SLC35F3: variants seen among roughly 807,000 people sequenced by gnomAD.
SLC35F3 encodes the protein putative thiamine transporter SLC35F3.
SLC35F3 carries 25 observed loss-of-function variants against 49.9 expected under a neutral mutation model. The ratio of observed to expected loss-of-function variants is 0.50; its 90% CI spans 0.37 to 0.70. The LOEUF is 0.70. Ranked by LOEUF, SLC35F3 falls within the 30% of genes least tolerant of loss-of-function variation. The pLI is 0.00. For synonymous variants in SLC35F3, 275 were observed against 265.4 expected (o/e 1.04, Z -0.35); for missense variants, 525 against 639.8 (o/e 0.82, Z 1.94).
intron 2 of SLC35F3, among the ~76,000 whole-genome samples, chr1:233,992,216 A>T (rs1179398991): frequency 1.3e-5 from 2 of 152,222 alleles, no homozygotes; most frequent in Non-Finnish European, 2.9e-5. Context: ...TGTTTGCCCC[A>T]TCACACTAAA....
chr1:234,231,792 A>G lies in SLC35F3; in HGVS notation c.608+51A>G. Reference sequence around the variant, plus strand: ...CTCCTGACCCCGGGCTGCTCCATCCAGCGCTGACTCTGCAGAGCTGCCCCT... The same window carrying G: ...CTCCTGACCCCGGGCTGCTCCATCCGGCGCTGACTCTGCAGAGCTGCCCCT... On this transcript the variant is annotated intron_variant, in intron 3 of 7. Transcript: ENST00000366618. This position sits in a 1 kb window ranked among gnomAD's most constrained non-coding sequence, Gnocchi z 5.4. The G allele has an allele frequency of 6.5e-7, 1 of 1,532,492 alleles. No individual in the cohort carries two copies. The highest frequency in any genetic ancestry group is 1.2e-5 in the South Asian group (1 of 80,404). 94.9% of individuals were successfully genotyped at this position (1,532,492 alleles called of 1,614,324 possible). A position where few individuals can be genotyped will look rare whatever the true frequency, so the allele number is the denominator to read the frequency against.
At chr1:234,143,536 G>A (rs1665952895) in intron 2 of SLC35F3, among the ~76,000 whole-genome samples, 1 of 152,052 alleles carries the variant, frequency 6.6e-6, no homozygotes. Context: ...TGATCCACCT[G>A]CCTCGGCCAT....
At chr1:233,972,102 T>C (rs1197222905) in intron 2 of SLC35F3, among the ~76,000 whole-genome samples, 3 of 152,218 alleles carry the variant, frequency 2.0e-5, no homozygotes, top group Non-Finnish European at 4.4e-5. Flanking sequence ...CAAAAGCTAT[T>C]TGGCCATGAC....
At chr1:233,998,370 A>G (rs1407594499) in intron 2 of SLC35F3, among the ~76,000 whole-genome samples, 1 of 151,936 alleles carries the variant, frequency 6.6e-6, no homozygotes, top group East Asian at 1.9e-4. Flanking sequence ...CTACGTAGCT[A>G]TAAACTCTTT....
intron 2 of SLC35F3, among the ~76,000 whole-genome samples, chr1:234,063,242 T>A (rs1198419388): frequency 6.6e-6 from 1 of 152,150 alleles, no homozygotes; most frequent in Non-Finnish European, 1.5e-5. Flanking sequence ...TGCAACCAGT[T>A]ACAGAAGGCC....
At chr1:233,993,771 C>T (rs1205329620) in intron 2 of SLC35F3, among the ~76,000 whole-genome samples, 1 of 152,190 alleles carries the variant, frequency 6.6e-6, no homozygotes, top group Non-Finnish European at 1.5e-5. Context: ...GCATAGAGTT[C>T]ATCTGCACTG....
intron 2 of SLC35F3, among the ~76,000 whole-genome samples, chr1:234,162,215 A>C (rs1666238195): frequency 6.6e-6 from 1 of 151,772 alleles, no homozygotes; most frequent in Admixed American, 6.6e-5. Flanking sequence ...ACTGGTCAGT[A>C]GCAGGGTGTC....
chr1:233,974,482 C>A (rs1212571326), intron 2 of SLC35F3, among the ~76,000 whole-genome samples: 10 of 152,064 alleles, frequency 6.6e-5, no homozygotes, highest in Admixed American at 5.2e-4. Context: ...TGCCCGGCCT[C>A]TATTTGTTCT....
chr1:234,318,933 T>C lies in SLC35F3; in HGVS notation c.1137T>C (p.Val379=), dbSNP rs756811412. ...GGGGAAACCTTTGTGGATTTTCAGT[T>C]CTTTTATTGAGTAAGTGCTAATCAC... ...IPWGNLCGFS[V]LLLTFNIVLN... The change falls in exon 6 of 8, where the codon GTT becomes GTC. Residue 379 remains valine (V), a synonymous_variant. Transcript: ENST00000366618. 3 of 1,613,940 alleles carry C rather than the reference T, an allele frequency of 1.9e-6. No homozygotes were observed. Among genetic ancestry groups the C allele is most frequent in the Non-Finnish European group, 1.7e-6 (2 of 1,179,924 alleles).
At chr1:234,143,365 T>G (rs755402433) in intron 2 of SLC35F3, among the ~76,000 whole-genome samples, 12 of 151,230 alleles carry the variant, frequency 7.9e-5, no homozygotes, top group Non-Finnish European at 1.3e-4. Context: ...TTTGGCTCAT[T>G]GCAATCTCCG....
At chr1:234,065,419 T>G (rs1304280796) in intron 2 of SLC35F3, among the ~76,000 whole-genome samples, 1 of 152,214 alleles carries the variant, frequency 6.6e-6, no homozygotes. Flanking sequence ...AGTGCTGGTA[T>G]TACAGGCGTG....
chr1:234,140,191 A>G (rs1211133096), intron 2 of SLC35F3, among the ~76,000 whole-genome samples: 1 of 151,802 alleles, frequency 6.6e-6, no homozygotes, highest in Non-Finnish European at 1.5e-5. Flanking sequence ...TTTTAAACCT[A>G]TGAGCCGTTT....
At position 234,137,498 on chromosome 1, in the gene SLC35F3, G is replaced by C. The variant is rs564842741; in HGVS notation, c.284-93919G>C. Among the ~76,000 whole-genome samples, 106 of 152,252 alleles carry C rather than the reference G, an allele frequency of 7.0e-4. 1 individual carries two copies. The South Asian group carries it at 0.021, about 31-fold the overall frequency. On this transcript the variant is annotated intron_variant, in intron 2 of 7. Transcript: ENST00000366618. The stretch of plus-strand genomic sequence containing the variant: ...GCAGAAGCCAGTCTGTGGGGGTTGA[G>C]GAAGGAATGGGAAGTAAAGGACTTA...
chr1:234,304,287 A>T (rs938880590), intron 3 of SLC35F3, among the ~76,000 whole-genome samples: 1 of 151,958 alleles, frequency 6.6e-6, no homozygotes, highest in Non-Finnish European at 1.5e-5. Context: ...TCAGCCTCCC[A>T]AGTAGCTGGG....
rs1280424964 is a variant in SLC35F3, at chr1:233,904,791, G to C, written c.-287G>C. The C allele has an allele frequency of 6.2e-6, 1 of 162,370 alleles. No individual in the cohort carries two copies. Among genetic ancestry groups the C allele is most frequent in the Non-Finnish European group, 1.3e-5 (1 of 75,428 alleles). The allele number at this position is 162,370 out of a possible 1,614,324, so 10.1% of individuals were successfully genotyped here. A position where few individuals can be genotyped will look rare whatever the true frequency, so the allele number is the denominator to read the frequency against. On this transcript the variant is annotated 5_prime_UTR_variant, in exon 1 of 8. Transcript: ENST00000366618. ...GCTAGGGCGGCGGCGACGGTGACGG[G>C]CGTGGGGCGCGGCGCTGCCTCGGCT...
chr1:234,170,949 C>T (rs1195058146), intron 2 of SLC35F3, among the ~76,000 whole-genome samples: 1 of 152,216 alleles, frequency 6.6e-6, no homozygotes, highest in Non-Finnish European at 1.5e-5. Flanking sequence ...ATTTAATTTG[C>T]AGACTCACAG....
intron 2 of SLC35F3, among the ~76,000 whole-genome samples, chr1:234,021,425 G>A (rs1414177617): frequency 6.6e-6 from 1 of 152,132 alleles, no homozygotes; most frequent in Non-Finnish European, 1.5e-5. Context: ...GAGAAAGCTG[G>A]AAAGTTTTCC....
chr1:234,242,514 A>G lies in SLC35F3; in HGVS notation c.608+10773A>G, dbSNP rs1243982414. On this transcript the variant is annotated intron_variant, in intron 3 of 7. Coordinates refer to ENST00000366618, the MANE Select transcript of SLC35F3 (RefSeq NM_173508.4). The stretch of plus-strand genomic sequence containing the variant: ...ATTGGTTTTTGTGGCCACACCTCAT[A>G]CTGTCTAGCTGAGTTCGTTAAAAAA... Among the ~76,000 whole-genome samples the G allele has an allele frequency of 5.3e-5, 8 of 152,218 alleles. No homozygotes were observed. In the East Asian group the frequency reaches 1.5e-3, roughly 29 times the overall value.
At chr1:234,131,195 A>G (rs959726732) in intron 2 of SLC35F3, among the ~76,000 whole-genome samples, 1 of 152,156 alleles carries the variant, frequency 6.6e-6, no homozygotes, top group South Asian at 2.1e-4. Context: ...TTTGCCGTGT[A>G]TGCTTAAAAT....
Sources: allele counts gnomAD v4.1 joint callset (sites outside exome capture counted in the v4.1 genomes callset), GRCh38; gene constraint gnomAD v4.1.1; non-coding constraint Gnocchi (gnomAD v3.1); transcripts MANE v1.5; gene names NCBI Gene and HGNC (gene_info 2026-07-23, HGNC 2026-07-21).